PRDM15: variants seen among roughly 807,000 people sequenced by gnomAD.
PRDM15 encodes the protein PR domain zinc finger protein 15.
A neutral mutation model predicts 128.6 loss-of-function variants in PRDM15; 64 were observed. The observed-to-expected ratio is 0.50, with a 90% confidence interval of 0.41 to 0.61. The LOEUF (loss-of-function observed/expected upper bound fraction) is 0.61. Ranked by LOEUF, PRDM15 falls within the 20% of genes least tolerant of loss-of-function variation. The pLI, the probability that PRDM15 is intolerant of heterozygous loss-of-function variation, is 0.00. For synonymous variants in PRDM15, 615 were observed against 621.8 expected (o/e 0.99, Z 0.16); for missense variants, 1,242 against 1,569.1 (o/e 0.79, Z 3.52).
intron 21 of PRDM15, among the ~76,000 whole-genome samples, chr21:41,806,382 C>CCAT (rs2061626381): frequency 1.8e-4 from 5 of 27,774 alleles, no homozygotes; most frequent in African/African-American, 4.0e-4. Flanking sequence ...ACCACCATCA[C>CCAT]CACCACCACC....
intron 13 of PRDM15, among the ~76,000 whole-genome samples, chr21:41,824,352 A>G (rs2062392155): frequency 6.6e-6 from 1 of 152,194 alleles, no homozygotes; most frequent in South Asian, 2.1e-4. Context: ...TGAGCAGGAG[A>G]GGACAGAGTC....
intron 6 of PRDM15, among the ~76,000 whole-genome samples, chr21:41,844,481 G>GAC (rs551405772): frequency 0.018 from 671 of 36,688 alleles, 43 homozygotes; most frequent in Middle Eastern, 0.036. Context: ...CCCTCACAGG[G>GAC]ACACACACAC....
At chr21:41,827,439 T>A (rs894526068) in intron 12 of PRDM15, among the ~76,000 whole-genome samples, 2 of 152,338 alleles carry the variant, frequency 1.3e-5, no homozygotes, top group Admixed American at 1.3e-4. Flanking sequence ...AGCCTCGACC[T>A]CCCAGCCTCA....
At chr21:41,849,608 TACTG>T (rs1416561560) in intron 5 of PRDM15, among the ~76,000 whole-genome samples, 1 of 151,652 alleles carries the variant, frequency 6.6e-6, no homozygotes, top group Admixed American at 6.6e-5. Context: ...TGTTGAGTCT[TACTG>T]AATGTAAACT....
chr21:41,810,081 C>G lies in PRDM15; in HGVS notation c.2652+73G>C. 1 of 1,469,830 alleles carries G rather than the reference C, an allele frequency of 6.8e-7. No individual in the cohort carries two copies. 91.0% of individuals were successfully genotyped at this position (1,469,830 alleles called of 1,614,324 possible). A position where few individuals can be genotyped will look rare whatever the true frequency, so the allele number is the denominator to read the frequency against. On this transcript the variant is annotated intron_variant, in intron 21 of 23. Coordinates refer to ENST00000398548, the MANE Select transcript of PRDM15 (RefSeq NM_001040424.3). This position sits in a 1 kb window ranked among gnomAD's most constrained non-coding sequence, Gnocchi z 6.4. ...TGGGGGTCTGCAGAGGGAGGTGGGC[C>G]ATGTGCCAGCATGGGGGTGTCCGGT...
At chr21:41,875,288 C>G (rs2064371581) in intron 1 of PRDM15, among the ~76,000 whole-genome samples, 1 of 152,286 alleles carries the variant, frequency 6.6e-6, no homozygotes, top group Non-Finnish European at 1.5e-5. Context: ...CCTGCCACCC[C>G]CAACTCCCAA....
intron 22 of PRDM15, among the ~76,000 whole-genome samples, chr21:41,803,700 TCTGGGG>T (rs760372253): frequency 5.3e-5 from 8 of 152,188 alleles, no homozygotes; most frequent in African/African-American, 1.2e-4. Flanking sequence ...GCCTGTGGGT[TCTGGGG>T]CTGGGGCTGG....
chr21:41,831,497 G>C (rs1281633689), intron 11 of PRDM15, among the ~76,000 whole-genome samples: 9 of 152,228 alleles, frequency 5.9e-5, no homozygotes, highest in Non-Finnish European at 1.2e-4. Flanking sequence ...GAGACTCTCT[G>C]GGGTGGGCCT....
intron 1 of PRDM15, chr21:41,871,693 T>C: frequency 6.7e-7 from 1 of 1,494,842 alleles, no homozygotes; most frequent in Non-Finnish European, 9.1e-7. Flanking sequence ...TCTTGAAACA[T>C]GACAGAAACT....
At chr21:41,803,837 T>C (rs1319572351) in intron 22 of PRDM15, among the ~76,000 whole-genome samples, 1 of 152,142 alleles carries the variant, frequency 6.6e-6, no homozygotes, top group East Asian at 1.9e-4. Flanking sequence ...GCACGTTCTC[T>C]TTGAAATAAA....
chr21:41,869,713 G>A (rs1377851789), intron 1 of PRDM15, among the ~76,000 whole-genome samples: 3 of 152,186 alleles, frequency 2.0e-5, no homozygotes, highest in African/African-American at 7.2e-5. Context: ...CCCAAGTGCT[G>A]GGATTACAGG....
rs1226477678 is a variant in PRDM15 at position 41,828,287 on chromosome 21, G to A, written c.1413C>T (p.Thr471=). The A allele has an allele frequency of 3.7e-6, 6 of 1,614,004 alleles. No homozygotes were observed. Among genetic ancestry groups the A allele is most frequent in the Non-Finnish European group, 5.1e-6 (6 of 1,179,960 alleles). Residue 471 remains threonine, a synonymous_variant, in exon 12 of 24, where the codon ACC becomes ACT. Coordinates refer to ENST00000398548, the MANE Select transcript of PRDM15 (RefSeq NM_001040424.3). This position sits in a 1 kb window ranked among gnomAD's most constrained non-coding sequence, Gnocchi z 5.7. ...QCEMCFRFFS[T]NSNLSKHKKK... is the part of the protein sequence containing the mutation. ...TCTTGTGCTTGGAGAGGTTGCTGTTGGTGGAGAAGAATCTGAAACACATCT... is the reference window on the plus strand; with the variant it reads ...TCTTGTGCTTGGAGAGGTTGCTGTTAGTGGAGAAGAATCTGAAACACATCT...
At chr21:41,848,458 C>T (rs889541817) in intron 5 of PRDM15, among the ~76,000 whole-genome samples, 1 of 152,234 alleles carries the variant, frequency 6.6e-6, no homozygotes, top group Non-Finnish European at 1.5e-5. Flanking sequence ...ACCCCATCCC[C>T]ACCAGCTTCT....
chr21:41,844,346 A>C (rs1018689868), intron 6 of PRDM15, among the ~76,000 whole-genome samples: 27 of 151,724 alleles, frequency 1.8e-4, no homozygotes, highest in Middle Eastern at 3.4e-3. Flanking sequence ...ACAACCCCTC[A>C]GCCCAAAAAA....
At chr21:41,866,778 C>A (rs1031285836) in intron 1 of PRDM15, among the ~76,000 whole-genome samples, 5 of 152,200 alleles carry the variant, frequency 3.3e-5, no homozygotes, top group Non-Finnish European at 5.9e-5. Context: ...ACGCTTCCCC[C>A]CTTCCACACA....
At chr21:41,830,426 CA>C in intron 11 of PRDM15, among the ~76,000 whole-genome samples, 2 of 151,438 alleles carry the variant, frequency 1.3e-5, no homozygotes, top group South Asian at 4.2e-4. Flanking sequence ...AATCACATAT[CA>C]CACACACCAA....
chr21:41,852,197 G>C (rs1329769176), intron 5 of PRDM15, among the ~76,000 whole-genome samples: 1 of 152,230 alleles, frequency 6.6e-6, no homozygotes, highest in Non-Finnish European at 1.5e-5. Context: ...CCTTTGCTTT[G>C]ACCTTAGCCT....
At chr21:41,868,697 T>TTTC (rs1555892487) in intron 1 of PRDM15, among the ~76,000 whole-genome samples, 3 of 146,696 alleles carry the variant, frequency 2.0e-5, no homozygotes, top group Non-Finnish European at 4.5e-5. Flanking sequence ...TCTTTTTCTT[T>TTTC]TTTTTTTTTT....
intron 1 of PRDM15, among the ~76,000 whole-genome samples, chr21:41,873,263 G>A (rs531112305): frequency 1.5e-4 from 23 of 152,308 alleles, no homozygotes; most frequent in Admixed American, 6.5e-4. Context: ...ACATTTTCCC[G>A]TAGTTTCCGT....
Sources: allele counts gnomAD v4.1 joint callset (sites outside exome capture counted in the v4.1 genomes callset), GRCh38; gene constraint gnomAD v4.1.1; non-coding constraint Gnocchi (gnomAD v3.1); transcripts MANE v1.5; gene names NCBI Gene and HGNC (gene_info 2026-07-23, HGNC 2026-07-21).